Variants in DAAM1 observed in about 807,000 individuals in gnomAD.
DAAM1 encodes disheveled-associated activator of morphogenesis 1.
In DAAM1, 52 loss-of-function variants were observed where a neutral mutation model predicts 130.0. The observed-to-expected ratio is 0.40, with a 90% CI of 0.32 to 0.50. The LOEUF (loss-of-function observed/expected upper bound fraction) is 0.50. Among genes scored for constraint, DAAM1 ranks in the 20% least tolerant of loss-of-function variants. The pLI, the probability that DAAM1 is intolerant of heterozygous loss-of-function variation, is 0.61. For missense variants in DAAM1, 1,134 were observed against 1,303.8 expected, an observed-to-expected ratio of 0.87 and a Z score of 2.01; for synonymous variants, 452 against 444.5, an observed-to-expected ratio of 1.02 and a Z score of -0.21.
intron 23 of DAAM1, among the ~76,000 whole-genome samples, chr14:59,364,235 G>A (rs1886825629): frequency 6.6e-6 from 1 of 152,074 alleles, no homozygotes; most frequent in Non-Finnish European, 1.5e-5. Context: ...GCTCATCTGA[G>A]ATACAGCCTT....
intron 3 of DAAM1, among the ~76,000 whole-genome samples, chr14:59,307,193 C>A (rs1302824609): frequency 6.6e-6 from 1 of 152,170 alleles, no homozygotes; most frequent in African/African-American, 2.4e-5. Flanking sequence ...AAGCTTATTT[C>A]ACAAATCTGT....
chr14:59,201,863 A>G (rs562600246), intron 1 of DAAM1, among the ~76,000 whole-genome samples: 117 of 152,178 alleles, frequency 7.7e-4, no homozygotes, highest in Non-Finnish European at 1.5e-3. Flanking sequence ...TAGAATTTTG[A>G]ATTTGTGAAA....
At chr14:59,310,983 CA>C (rs1884570007) in intron 3 of DAAM1, among the ~76,000 whole-genome samples, 1 of 151,380 alleles carries the variant, frequency 6.6e-6, no homozygotes, top group Admixed American at 6.6e-5. Context: ...AAAAAACAAA[CA>C]AAAAAACTCT....
At chr14:59,303,693 T>A (rs907389090) in intron 3 of DAAM1, among the ~76,000 whole-genome samples, 22 of 151,974 alleles carry the variant, frequency 1.4e-4, no homozygotes, top group African/African-American at 5.3e-4. Context: ...GGTCAGGAGT[T>A]CGAAACCAGC....
At chr14:59,366,513 T>C (rs187597917) in intron 23 of DAAM1, among the ~76,000 whole-genome samples, 5 of 152,258 alleles carry the variant, frequency 3.3e-5, no homozygotes, top group Non-Finnish European at 5.9e-5. Context: ...CAAGTTTCCC[T>C]CCCCCTGCTG....
chr14:59,281,935 T>A (rs926305895), intron 2 of DAAM1, among the ~76,000 whole-genome samples: 6 of 152,146 alleles, frequency 3.9e-5, no homozygotes, highest in African/African-American at 1.4e-4. Flanking sequence ...CTCTCCCAGT[T>A]ATTATCGAAT....
At chr14:59,197,067 C>CCCG (rs1887921811) in intron 1 of DAAM1, among the ~76,000 whole-genome samples, 1 of 152,102 alleles carries the variant, frequency 6.6e-6, no homozygotes, top group South Asian at 2.1e-4. Context: ...ACTACAGGCG[C>CCCG]CTGCCACCAC....
rs1253219178 is a variant in DAAM1, at chr14:59,200,369, A to C, written c.-38+11601A>C. Among the ~76,000 whole-genome samples the C allele has an allele frequency of 1.3e-5, 2 of 152,154 alleles. 1 individual carries two copies. Among genetic ancestry groups the C allele is most frequent in the South Asian group, 4.1e-4 (2 of 4,832 alleles). Reference sequence around the variant, plus strand: ...AATGCCAAAATGCTTTAGAAAAAAAACCTTAAGCTTTAAACATGACAGCTT... The same window carrying C: ...AATGCCAAAATGCTTTAGAAAAAAACCCTTAAGCTTTAAACATGACAGCTT... On this transcript the variant is annotated intron_variant, in intron 1 of 24. Coordinates refer to ENST00000360909, the MANE Select transcript of DAAM1 (RefSeq NM_001270520.2).
intron 1 of DAAM1, among the ~76,000 whole-genome samples, chr14:59,191,769 C>T (rs1887736662): frequency 3.9e-5 from 6 of 152,050 alleles, no homozygotes; most frequent in South Asian, 2.1e-4. Context: ...GTGTGTGACA[C>T]GTGAATAGGG....
rs1882298925 is a variant in DAAM1, at chr14:59,263,800, C to T, written c.183+140C>T. 5.0e-6 allele frequency: 5 copies of T among 1,007,592 alleles called. No homozygotes were observed. In the East Asian group the frequency reaches 1.0e-4, roughly 21 times the overall value. The allele number at this position is 1,007,592 out of a possible 1,614,324, so 62.4% of individuals were successfully genotyped here. On this transcript the variant is annotated intron_variant, in intron 2 of 24. Transcript: ENST00000360909. ...CCCCATTCACCTTTATGTCTGCACC[C>T]TCACTGTCAGCACTAAACCTGTGGA... is the stretch of plus-strand genomic sequence containing the variant.
chr14:59,343,455 ATCTTTCTT>A (rs1885930396), intron 16 of DAAM1, among the ~76,000 whole-genome samples: 1 of 152,128 alleles, frequency 6.6e-6, no homozygotes, highest in Non-Finnish European at 1.5e-5. Context: ...CACACTTACT[ATCTTTCTT>A]TCCTGATTAT....
At chr14:59,305,303 G>A (rs1032768832) in intron 3 of DAAM1, among the ~76,000 whole-genome samples, 4 of 152,208 alleles carry the variant, frequency 2.6e-5, no homozygotes, top group Non-Finnish European at 5.9e-5. Flanking sequence ...GCCTGCAGGG[G>A]AATGTGGGGT....
intron 16 of DAAM1, among the ~76,000 whole-genome samples, chr14:59,341,983 C>A (rs146889082): frequency 6.6e-6 from 1 of 152,242 alleles, no homozygotes; most frequent in African/African-American, 2.4e-5. Flanking sequence ...GGTAATTACA[C>A]TAGATATAGA....
At chr14:59,264,545 C>A (rs964584906) in intron 2 of DAAM1, 2 of 152,098 alleles carry the variant, frequency 1.3e-5, no homozygotes, top group Admixed American at 1.3e-4. Flanking sequence ...GGGAGTGGCC[C>A]AGTGCCTGGC....
chr14:59,342,358 G>A (rs953316202), intron 16 of DAAM1, among the ~76,000 whole-genome samples: 1 of 152,148 alleles, frequency 6.6e-6, no homozygotes, highest in African/African-American at 2.4e-5. Context: ...CTGGTCAGTT[G>A]TTTTACTCTC....
intron 1 of DAAM1, among the ~76,000 whole-genome samples, chr14:59,193,416 A>G (rs1887792584): frequency 6.6e-6 from 1 of 152,154 alleles, no homozygotes; most frequent in Admixed American, 6.5e-5. Flanking sequence ...TTAGTGACCT[A>G]TATTTCATCC....
At chr14:59,203,121 A>G (rs939824802) in intron 1 of DAAM1, among the ~76,000 whole-genome samples, 1 of 147,374 alleles carries the variant, frequency 6.8e-6, no homozygotes, top group Non-Finnish European at 1.5e-5. Flanking sequence ...CCTCCCGAGT[A>G]GTTAGGACTA....
At chr14:59,353,472 G>A (rs139950837) in intron 18 of DAAM1, among the ~76,000 whole-genome samples, 10 of 152,308 alleles carry the variant, frequency 6.6e-5, no homozygotes, top group African/African-American at 1.2e-4. Flanking sequence ...AGAAGTGTAC[G>A]GAACTGTCCT....
Position 59,347,579 on chromosome 14 carries a change from A to G in DAAM1, c.2116A>G (p.Thr706Ala). The G allele has an allele frequency of 6.2e-7, 1 of 1,613,976 alleles. No homozygotes were observed. Among genetic ancestry groups the G allele is most frequent in the Non-Finnish European group, 8.5e-7 (1 of 1,179,906 alleles). Residue 706 changes from threonine to alanine, a missense_variant, in exon 17 of 25, where the codon ACA becomes GCA. Transcript: ENST00000360909. Reference sequence around the variant, plus strand: ...TGACGAAATCAAACGGGCAATTCTAACAATGGACGAACAGGAAGATCTGCC... The same window carrying G: ...TGACGAAATCAAACGGGCAATTCTAGCAATGGACGAACAGGAAGATCTGCC... ...SNDEIKRAILTMDEQEDLPKD... is the reference protein window; with the variant it reads ...SNDEIKRAILAMDEQEDLPKD...
Sources: gnomAD v4.1 joint callset for allele counts (sites outside exome capture counted in the v4.1 genomes callset) on GRCh38, gnomAD v4.1.1 for gene constraint, MANE v1.5 for transcripts, NCBI Gene and HGNC (gene_info 2026-07-23, HGNC 2026-07-21) for gene names.